The following CBFA2T3 variants were observed in gnomAD, a reference collection of about 807,000 sequenced individuals.
CBFA2T3 encodes the protein transcriptional corepressor CBFA2T3.
In CBFA2T3, 31 loss-of-function variants were observed where a neutral mutation model predicts 58.6. The observed-to-expected ratio is 0.53, with a 90% CI of 0.40 to 0.71. The LOEUF (loss-of-function observed/expected upper bound fraction) is 0.71, where lower values mean the gene tolerates loss of function less well. Among genes scored for constraint, CBFA2T3 ranks in the 30% least tolerant of loss-of-function variants. The probability of loss-of-function intolerance (pLI) is 0.00; values close to 1 mark genes in which losing one functional copy is unlikely to be tolerated. For missense variants in CBFA2T3, 1,076 were observed against 963.1 expected, an observed-to-expected ratio of 1.12 and a Z score of -1.55; for synonymous variants, 531 against 421.9, an observed-to-expected ratio of 1.26 and a Z score of -3.17.
rs1394483831 is a variant in CBFA2T3, at chr16:88,894,481, C to T, written c.380-1996G>A. On this transcript the variant is annotated intron_variant, in intron 3 of 11. Coordinates refer to ENST00000268679, the MANE Select transcript of CBFA2T3 (RefSeq NM_005187.6). Reference sequence around the variant, plus strand: ...ACACATGCATACATATACACATGCACACAATGTACACACATGCACACACAC... The same window carrying T: ...ACACATGCATACATATACACATGCATACAATGTACACACATGCACACACAC... Among the ~76,000 whole-genome samples the T allele has an allele frequency of 1.7e-5, 2 of 119,152 alleles. 1 individual carries two copies. The highest frequency in any genetic ancestry group is 3.3e-5 in the Non-Finnish European group (2 of 60,870). 78.2% of individuals were successfully genotyped at this position (119,152 alleles called of 152,430 possible). A position where few individuals can be genotyped will look rare whatever the true frequency, so the allele number is the denominator to read the frequency against.
At chr16:88,923,646 A>G (rs79736022) in intron 1 of CBFA2T3, among the ~76,000 whole-genome samples, 1,838 of 152,352 alleles carry the variant, frequency 0.012, 39 homozygotes, top group African/African-American at 0.04. Context: ...CGCGCAGCAC[A>G]GCTCGGGGAG....
At chr16:88,947,882 C>G (rs1971946628) in intron 1 of CBFA2T3, among the ~76,000 whole-genome samples, 2 of 152,130 alleles carry the variant, frequency 1.3e-5, no homozygotes, top group Admixed American at 1.3e-4. Flanking sequence ...CTACTGCACT[C>G]TAGCCTGGGT....
At chr16:88,924,903 C>T (rs1009267196) in intron 1 of CBFA2T3, among the ~76,000 whole-genome samples, 1 of 152,224 alleles carries the variant, frequency 6.6e-6, no homozygotes, top group African/African-American at 2.4e-5. Flanking sequence ...GCTCTCTCCA[C>T]CAAGGCCACA....
chr16:88,927,926 G>A lies in CBFA2T3; in HGVS notation c.152-26270C>T, dbSNP rs532338121. Among the ~76,000 whole-genome samples the A allele has an allele frequency of 3.8e-3, 577 of 152,332 alleles. 5 individuals are homozygous for A. Among genetic ancestry groups the A allele is most frequent in the African/African-American group, 0.013 (540 of 41,576 alleles). ...CAGAAAAGCCGCAGATGCTGACACG[G>A]GCAACCCTGCCCAGTGTGGGGCGTC... On this transcript the variant is annotated intron_variant, in intron 1 of 11. Coordinates refer to ENST00000268679, the MANE Select transcript of CBFA2T3 (RefSeq NM_005187.6).
intron 1 of CBFA2T3, among the ~76,000 whole-genome samples, chr16:88,966,094 C>A (rs911321422): frequency 3.3e-5 from 5 of 152,238 alleles, no homozygotes; most frequent in Admixed American, 1.3e-4. Flanking sequence ...CCTCTCGTAG[C>A]TGCAAGGTGG....
At chr16:88,889,791 G>A (rs1305454348) in intron 5 of CBFA2T3, among the ~76,000 whole-genome samples, 3 of 138,868 alleles carry the variant, frequency 2.2e-5, no homozygotes, top group African/African-American at 5.5e-5. Flanking sequence ...GACGCCACGC[G>A]ATTCCTCCTC....
intron 1 of CBFA2T3, among the ~76,000 whole-genome samples, chr16:88,974,275 C>T (rs945643780): frequency 4.6e-5 from 7 of 152,142 alleles, no homozygotes; most frequent in African/African-American, 9.7e-5. Flanking sequence ...GCGGGCGCCT[C>T]GTAAACCCAG....
intron 1 of CBFA2T3, among the ~76,000 whole-genome samples, chr16:88,974,061 A>G (rs1023008424): frequency 6.6e-6 from 1 of 152,072 alleles, no homozygotes; most frequent in Non-Finnish European, 1.5e-5. Context: ...GTCCCAGCAC[A>G]TGGCACTGAA....
At chr16:88,918,426 T>A (rs1970809301) in intron 1 of CBFA2T3, among the ~76,000 whole-genome samples, 1 of 152,152 alleles carries the variant, frequency 6.6e-6, no homozygotes, top group Non-Finnish European at 1.5e-5. Flanking sequence ...ACCAGCTGCA[T>A]CACAACGAGG....
At chr16:88,898,264 G>A in intron 2 of CBFA2T3, 112 bp from the exon 3 acceptor site, 2 of 824,744 alleles carry the variant, frequency 2.4e-6, no homozygotes, top group East Asian at 2.5e-5. Flanking sequence ...TTTTTGGTGG[G>A]GGCGTGGGCA....
At chr16:88,926,407 G>A (rs1971086702) in intron 1 of CBFA2T3, among the ~76,000 whole-genome samples, 1 of 152,236 alleles carries the variant, frequency 6.6e-6, no homozygotes, top group South Asian at 2.1e-4. Flanking sequence ...GTCTGTCCCA[G>A]CCTCGTCTCC....
chr16:88,918,792 G>C (rs1469097613), intron 1 of CBFA2T3, among the ~76,000 whole-genome samples: 3 of 152,228 alleles, frequency 2.0e-5, no homozygotes, highest in Admixed American at 6.5e-5. Flanking sequence ...AGGGGGTGCC[G>C]AGAACCTTGG....
At chr16:88,945,902 C>T (rs1971889705) in intron 1 of CBFA2T3, among the ~76,000 whole-genome samples, 1 of 152,218 alleles carries the variant, frequency 6.6e-6, no homozygotes, top group African/African-American at 2.4e-5. Flanking sequence ...TTTACCAAAA[C>T]TTAGAAGCGA....
intron 1 of CBFA2T3, among the ~76,000 whole-genome samples, chr16:88,956,175 C>T (rs1410339436): frequency 1.3e-5 from 2 of 152,264 alleles, no homozygotes; most frequent in African/African-American, 4.8e-5. Context: ...AGGGCAGCCG[C>T]CTGGCCCCAG....
intron 11 of CBFA2T3, among the ~76,000 whole-genome samples, chr16:88,878,589 C>A (rs1968930319): frequency 6.6e-6 from 1 of 152,244 alleles, no homozygotes; most frequent in African/African-American, 2.4e-5. Context: ...GAGCCGGGCG[C>A]CTCGGACGCC....
Position 88,901,619 on chromosome 16 carries a change from C to A in CBFA2T3, c.189G>T (p.Pro63=). 3 of 1,526,274 alleles carry A rather than the reference C, an allele frequency of 2.0e-6. No individual in the cohort carries two copies. The highest frequency in any genetic ancestry group is 1.7e-4 in the Middle Eastern group (1 of 5,828). The allele number at this position is 1,526,274 out of a possible 1,614,324, so 94.5% of individuals were successfully genotyped here. The change falls in exon 2 of 12, where the codon CCG becomes CCT. Residue 63 remains proline, a synonymous_variant. Coordinates refer to ENST00000268679, the MANE Select transcript of CBFA2T3 (RefSeq NM_005187.6). ...GCGTCTTCACCTCCGCTGGGGAGTC[C>A]GGCATCGCTGAGGCCTTAGCTTTCC... ...VDRKAKASAM[P]DSPAEVKTQP... is the part of the protein sequence containing the mutation.
chr16:88,910,226 C>T (rs1311697924), intron 1 of CBFA2T3, among the ~76,000 whole-genome samples: 1 of 152,238 alleles, frequency 6.6e-6, no homozygotes, highest in African/African-American at 2.4e-5. Context: ...GTCTGCCTCT[C>T]ATCCTCACAC....
At chr16:88,898,204 C>G in intron 2 of CBFA2T3, 52 bp from the exon 3 acceptor site, 2 of 1,419,376 alleles carry the variant, frequency 1.4e-6, no homozygotes, top group Non-Finnish European at 2.0e-6. Context: ...GGGCAGGAGA[C>G]TCTGCCCTCA....
intron 5 of CBFA2T3, among the ~76,000 whole-genome samples, chr16:88,887,992 C>T (rs1461616273): frequency 6.6e-6 from 1 of 152,216 alleles, no homozygotes; most frequent in African/African-American, 2.4e-5. Flanking sequence ...CATAGAGGGG[C>T]TGTGGCCTTG....
Sources: allele counts gnomAD v4.1 joint callset (sites outside exome capture counted in the v4.1 genomes callset), GRCh38; gene constraint gnomAD v4.1.1; transcripts MANE v1.5; gene names NCBI Gene and HGNC (gene_info 2026-07-23, HGNC 2026-07-21).